The following STAC2 variants were observed in gnomAD, a reference collection of about 807,000 sequenced individuals.
STAC2 encodes SH3 and cysteine rich domain 2.
Under a neutral mutation model 49.0 loss-of-function variants are expected in STAC2, and 36 were observed. The ratio of observed to expected loss-of-function variants is 0.74; its 90% CI spans 0.56 to 0.97. The LOEUF is 0.97. Ranked by LOEUF, STAC2 falls within the 50% of genes least tolerant of loss-of-function variation. The pLI, the probability that STAC2 is intolerant of heterozygous loss-of-function variation, is 0.00. For synonymous variants in STAC2, 239 were observed against 214.7 expected, an observed-to-expected ratio of 1.11 and a Z score of -0.99; for missense variants, 527 against 543.8, an observed-to-expected ratio of 0.97 and a Z score of 0.31.
At chr17:39,222,398 G>A (rs578106583) in intron 1 of STAC2, among the ~76,000 whole-genome samples, 10 of 152,334 alleles carry the variant, frequency 6.6e-5, no homozygotes, top group South Asian at 2.1e-4. Flanking sequence ...GTGGAGAAGC[G>A]AGAAGGAATG....
In STAC2 at chr17:39,212,260, C is replaced by T. The variant is rs943847781; in HGVS notation, c.*32G>A. ...GCCAGAAGCAAGGTCCAGGCATGGG[C>T]AAGGGTGTCATCTGGGTTCCCTTGG... On this transcript the variant is annotated 3_prime_UTR_variant, in exon 11 of 11. Transcript: ENST00000333461. 1.9e-6 allele frequency: 3 copies of T among 1,541,908 alleles called. No individual in the cohort carries two copies. Among genetic ancestry groups the T allele is most frequent in the African/African-American group, 2.7e-5 (2 of 73,480 alleles).
intron 2 of STAC2, 56 bp downstream of exon 2, chr17:39,217,811 T>C (rs1404087980): frequency 3.9e-6 from 6 of 1,526,550 alleles, no homozygotes; most frequent in Non-Finnish European, 5.3e-6. Flanking sequence ...ATGAGCCCAC[T>C]CCCCAGTACC....
At chr17:39,213,668 G>GATT in intron 8 of STAC2, 110 bp from the exon 9 acceptor site, 4 of 639,832 alleles carry the variant, frequency 6.3e-6, no homozygotes, top group Non-Finnish European at 1.0e-5. Context: ...TGGGAGAGAC[G>GATT]ATTCTTTTTT....
Position 39,214,252 on chromosome 17 carries a change from TCTC to T in STAC2, c.919_921del (p.Glu307del), listed in dbSNP as rs769660900. ...ACTTACTGCAGAGCCAGATCATTGT[TCTC>T]CTGGGGCAGAAACTTGTAGAGTGCA... On this transcript the variant is annotated inframe_deletion, in exon 8 of 11. Transcript: ENST00000333461. The T allele has an allele frequency of 6.2e-6, 10 of 1,613,848 alleles. No homozygotes were observed. The African/African-American group carries it at 8.0e-5, about 13-fold the overall frequency.
intron 4 of STAC2, 52 bp from the exon 5 acceptor site, chr17:39,215,282 C>T: frequency 6.3e-7 from 1 of 1,585,742 alleles, no homozygotes; most frequent in Non-Finnish European, 8.7e-7. Context: ...CCCTGCATCT[C>T]TAGTCCCGGC....
rs771413840 is a variant in STAC2 at position 39,212,008 on chromosome 17, A to G, written c.*284T>C. ...GGGCTGGACTCAGCCCAGCAAGTAGACTGGGGTGCCTGGGCGTTGGGTGGA... is the reference window on the plus strand; with the variant it reads ...GGGCTGGACTCAGCCCAGCAAGTAGGCTGGGGTGCCTGGGCGTTGGGTGGA... On this transcript the variant is annotated 3_prime_UTR_variant, in exon 11 of 11. Transcript: ENST00000333461. 5.4e-6 allele frequency: 2 copies of G among 370,798 alleles called. No homozygotes were observed. Among genetic ancestry groups the G allele is most frequent in the Non-Finnish European group, 9.9e-6 (2 of 201,954 alleles). 23.0% of individuals were successfully genotyped at this position (370,798 alleles called of 1,614,324 possible).
chr17:39,220,153 T>C (rs377711975), intron 1 of STAC2, among the ~76,000 whole-genome samples: 2 of 152,142 alleles, frequency 1.3e-5, no homozygotes, highest in East Asian at 3.9e-4. Flanking sequence ...TGTGTATCTA[T>C]GAGAAGCAAG....
At chr17:39,223,180 G>C (rs1181983732) in intron 1 of STAC2, among the ~76,000 whole-genome samples, 1 of 152,220 alleles carries the variant, frequency 6.6e-6, no homozygotes, top group Non-Finnish European at 1.5e-5. Flanking sequence ...GGCCCCCTCT[G>C]TTGTACCTGC....
At chr17:39,215,352 C>T in intron 4 of STAC2, 122 bp from the exon 5 acceptor site, 7 of 968,182 alleles carry the variant, frequency 7.2e-6, no homozygotes, top group Admixed American at 2.1e-5. Context: ...CCAGGTCTTC[C>T]TCATCCCAGA....
intron 7 of STAC2, chr17:39,214,555 G>T: frequency 1.2e-6 from 1 of 819,788 alleles, no homozygotes; most frequent in Non-Finnish European, 1.5e-6. Context: ...GTACCCTGGG[G>T]CTGCCTGCCT....
At chr17:39,219,903 G>A (rs2046444791) in intron 1 of STAC2, among the ~76,000 whole-genome samples, 1 of 152,220 alleles carries the variant, frequency 6.6e-6, no homozygotes, top group Admixed American at 6.5e-5. Context: ...CTGGCACGCT[G>A]GGTAGCCTAC....
chr17:39,213,970 C>T (rs185629269), intron 8 of STAC2, among the ~76,000 whole-genome samples: 7 of 152,276 alleles, frequency 4.6e-5, no homozygotes, highest in Non-Finnish European at 1.0e-4. Flanking sequence ...AGCCACCGCG[C>T]CCCGCTGGGA....
intron 8 of STAC2, 85 bp downstream of exon 8, chr17:39,214,148 G>C (rs532172860): frequency 5.4e-6 from 8 of 1,474,036 alleles, no homozygotes; most frequent in Non-Finnish European, 5.6e-6. Flanking sequence ...ATGCAAGAAG[G>C]TTCCTGAAGG....
Position 39,217,921 on chromosome 17 carries a change from C to G in STAC2, c.343G>C (p.Glu115Gln). 1 of 1,606,124 alleles carries G rather than the reference C, an allele frequency of 6.2e-7. No individual in the cohort carries two copies. Among genetic ancestry groups the G allele is most frequent in the Non-Finnish European group, 8.5e-7 (1 of 1,176,816 alleles). Residue 115 changes from glutamate to glutamine, a missense_variant, in exon 2 of 11, where the codon GAA (glutamate) becomes CAA (glutamine). Physicochemically the swap from Glu to Gln is conservative, Grantham distance 29. Coordinates refer to ENST00000333461, the MANE Select transcript of STAC2 (RefSeq NM_198993.5). ...GGGCTAGCTCGCTTGAAGACATGTTCCTGGAAGCTGTGCAGCCTCACTGGT... is the reference window on the plus strand; with the variant it reads ...GGGCTAGCTCGCTTGAAGACATGTTGCTGGAAGCTGTGCAGCCTCACTGGT... Reference protein sequence around the residue: ...LKPVRLHSFQEHVFKRASPCE... With the variant: ...LKPVRLHSFQQHVFKRASPCE...
chr17:39,212,697 A>G (rs1022640249), intron 10 of STAC2, among the ~76,000 whole-genome samples: 7 of 152,156 alleles, frequency 4.6e-5, no homozygotes, highest in African/African-American at 1.7e-4. Context: ...GCCTCAAATT[A>G]CACAAAAAGC....
At chr17:39,214,351 C>A in intron 7 of STAC2, 21 bp from the exon 8 acceptor site, 1 of 1,613,454 alleles carries the variant, frequency 6.2e-7, no homozygotes, top group South Asian at 1.1e-5. Flanking sequence ...ATCTCTGGGT[C>A]GGTGACCGGA....
chr17:39,215,223 A>C lies in STAC2; in HGVS notation c.594T>G (p.Ser198Arg), dbSNP rs1265074209. The stretch of plus-strand genomic sequence containing the variant: ...TCTCGTAGACAGGGTCCACCTTCCC[A>C]CTGTCCCCTGCAGATTATCCACCCT... ...TSKESPPTGD[S>R]GKVDPVYETL... Residue 198 changes from serine (S) to arginine (R), a missense_variant, in exon 5 of 11, where the codon AGT (serine) becomes AGG (arginine). Physicochemically the swap from Ser to Arg is moderately radical, Grantham distance 110. Coordinates refer to ENST00000333461, the MANE Select transcript of STAC2 (RefSeq NM_198993.5). The C allele has an allele frequency of 6.2e-7, 1 of 1,613,710 alleles. No homozygotes were observed. The highest frequency in any genetic ancestry group is 1.3e-5 in the African/African-American group (1 of 74,922).
At chr17:39,223,482 C>A (rs1224898760) in intron 1 of STAC2, among the ~76,000 whole-genome samples, 3 of 152,182 alleles carry the variant, frequency 2.0e-5, no homozygotes, top group Admixed American at 6.5e-5. Flanking sequence ...GTAACCCCTC[C>A]CCTCCCCTAC....
Position 39,212,001 on chromosome 17 carries a change from C to T in STAC2, c.*291G>A. On this transcript the variant is annotated 3_prime_UTR_variant, in exon 11 of 11. Transcript: ENST00000333461. Reference sequence around the variant, plus strand: ...TTCCCCAGGGCTGGACTCAGCCCAGCAAGTAGACTGGGGTGCCTGGGCGTT... The same window carrying T: ...TTCCCCAGGGCTGGACTCAGCCCAGTAAGTAGACTGGGGTGCCTGGGCGTT... 2.7e-6 allele frequency: 1 copy of T among 368,950 alleles called. No individual in the cohort carries two copies. Among genetic ancestry groups the T allele is most frequent in the South Asian group, 4.1e-5 (1 of 24,566 alleles). 22.9% of individuals were successfully genotyped at this position (368,950 alleles called of 1,614,324 possible). A position where few individuals can be genotyped will look rare whatever the true frequency, so the allele number is the denominator to read the frequency against.
Sources: allele counts gnomAD v4.1 joint callset (sites outside exome capture counted in the v4.1 genomes callset), GRCh38; gene constraint gnomAD v4.1.1; transcripts MANE v1.5; gene names NCBI Gene and HGNC (gene_info 2026-07-23, HGNC 2026-07-21).